The following MAPKAP1 variants were observed in gnomAD, a reference collection of about 807,000 sequenced individuals.
The protein encoded by MAPKAP1 is target of rapamycin complex 2 subunit MAPKAP1.
MAPKAP1 carries 20 observed loss-of-function variants against 65.7 expected under a neutral mutation model. The ratio of observed to expected loss-of-function variants is 0.30; its 90% CI spans 0.21 to 0.44. The LOEUF is 0.44. Ranked by LOEUF, MAPKAP1 falls within the 20% of genes least tolerant of loss-of-function variation. The pLI, the probability that MAPKAP1 is intolerant of heterozygous loss-of-function variation, is 1.00. For synonymous variants in MAPKAP1, 222 were observed against 244.3 expected (o/e 0.91, Z 0.85); for missense variants, 423 against 648.0 (o/e 0.65, Z 3.77).
intron 6 of MAPKAP1, among the ~76,000 whole-genome samples, chr9:125,552,951 T>C (rs1039588714): frequency 6.6e-6 from 1 of 152,158 alleles, no homozygotes; most frequent in African/African-American, 2.4e-5. Flanking sequence ...CATATAGAGA[T>C]GTATTATCTA....
chr9:125,674,568 G>A (rs1834590385), intron 1 of MAPKAP1, among the ~76,000 whole-genome samples: 1 of 152,166 alleles, frequency 6.6e-6, no homozygotes, highest in South Asian at 2.1e-4. Flanking sequence ...TCTAGAAATG[G>A]AACATAGAGA....
intron 8 of MAPKAP1, among the ~76,000 whole-genome samples, chr9:125,503,404 C>T (rs961872633): frequency 3.3e-5 from 5 of 152,200 alleles, no homozygotes; most frequent in Admixed American, 2.0e-4. Flanking sequence ...CGCTCGTAGG[C>T]GTTGATCTCT....
At chr9:125,539,033 C>T (rs1589268737) in intron 7 of MAPKAP1, among the ~76,000 whole-genome samples, 1 of 152,168 alleles carries the variant, frequency 6.6e-6, no homozygotes, top group Non-Finnish European at 1.5e-5. Context: ...AAGCCCCGTA[C>T]ACTATCTCAC....
In MAPKAP1 at chr9:125,672,632, G is replaced by A. The variant is rs910150013; in HGVS notation, c.-58C>T. On this transcript the variant is annotated 5_prime_UTR_variant, in exon 2 of 12. Transcript: ENST00000265960. The stretch of plus-strand genomic sequence containing the variant: ...TTTTCTCCTCTTCATATTGTTTCAC[G>A]AGCTCACCTACCTAGAAACATGATG... 6 of 1,572,182 alleles carry A rather than the reference G, an allele frequency of 3.8e-6. No individual in the cohort carries two copies. The highest frequency in any genetic ancestry group is 3.4e-5 in the Admixed American group (2 of 58,794).
At chr9:125,700,911 T>C (rs1835575952) in intron 1 of MAPKAP1, among the ~76,000 whole-genome samples, 1 of 152,190 alleles carries the variant, frequency 6.6e-6, no homozygotes, top group African/African-American at 2.4e-5. Context: ...CCCCTTTCAA[T>C]CTTGAGTACA....
At chr9:125,444,464 C>T (rs757758205) in intron 11 of MAPKAP1, 37 bp downstream of exon 11, 19 of 1,508,392 alleles carry the variant, frequency 1.3e-5, no homozygotes, top group Middle Eastern at 1.7e-4. Context: ...AAGCTGGACC[C>T]ACCTACCCTG....
At chr9:125,597,080 G>A (rs1322871998) in intron 4 of MAPKAP1, among the ~76,000 whole-genome samples, 1 of 151,216 alleles carries the variant, frequency 6.6e-6, no homozygotes. Context: ...GGCTAACAAA[G>A]TGAAACCCTG....
intron 5 of MAPKAP1, among the ~76,000 whole-genome samples, chr9:125,574,924 G>C (rs1413708029): frequency 2.6e-5 from 4 of 152,186 alleles, no homozygotes; most frequent in Middle Eastern, 3.2e-3. Context: ...CATCCTGCTA[G>C]TAGGCGTTAA....
intron 11 of MAPKAP1, among the ~76,000 whole-genome samples, chr9:125,440,242 T>C (rs1002918946): frequency 3.3e-5 from 5 of 152,114 alleles, no homozygotes; most frequent in Non-Finnish European, 7.4e-5. Flanking sequence ...CACAATAATC[T>C]TGAGACAGAT....
chr9:125,634,172 TTC>T (rs1320776243), intron 4 of MAPKAP1, among the ~76,000 whole-genome samples: 1 of 152,204 alleles, frequency 6.6e-6, no homozygotes, highest in East Asian at 1.9e-4. Flanking sequence ...TCATTTTTAA[TTC>T]TGTCAGTGTC....
At chr9:125,606,562 C>T (rs1443392658) in intron 4 of MAPKAP1, among the ~76,000 whole-genome samples, 1 of 152,164 alleles carries the variant, frequency 6.6e-6, no homozygotes, top group Non-Finnish European at 1.5e-5. Context: ...TGTCCTCGCA[C>T]ATTCCCTGAA....
At chr9:125,514,039 G>A (rs1182942345) in intron 7 of MAPKAP1, among the ~76,000 whole-genome samples, 1 of 152,160 alleles carries the variant, frequency 6.6e-6, no homozygotes, top group Non-Finnish European at 1.5e-5. Flanking sequence ...CAAAGGACAC[G>A]TGACGCTGGG....
chr9:125,649,512 G>A (rs753795524), intron 4 of MAPKAP1, among the ~76,000 whole-genome samples: 25 of 152,168 alleles, frequency 1.6e-4, no homozygotes, highest in Non-Finnish European at 3.1e-4. Flanking sequence ...TGTCATCTGA[G>A]AGGAAGTGAC....
intron 5 of MAPKAP1, among the ~76,000 whole-genome samples, chr9:125,560,226 A>AG (rs996572109): frequency 6.6e-6 from 1 of 152,202 alleles, no homozygotes. Context: ...AAAACTGTAA[A>AG]GGGGGGAAGA....
chr9:125,597,264 C>CAAAAAA lies in MAPKAP1; in HGVS notation c.499-11543_499-11538dup, dbSNP rs35917056. On this transcript the variant is annotated intron_variant, in intron 4 of 11. Transcript: ENST00000265960. ...TGGACGACAGAGCGAGACTCCGTCT[C>CAAAAAA]AAAAAAAAAAAAAAAAAAAAAAAAA... Among the ~76,000 whole-genome samples, 67 of 52,680 alleles carry CAAAAAA rather than the reference C, an allele frequency of 1.3e-3. 3 individuals carry two copies. Among genetic ancestry groups the CAAAAAA allele is most frequent in the African/African-American group, 5.4e-3 (60 of 11,148 alleles). 34.6% of individuals were successfully genotyped at this position (52,680 alleles called of 152,430 possible). A position where few individuals can be genotyped will look rare whatever the true frequency, so the allele number is the denominator to read the frequency against.
chr9:125,635,100 C>T (rs1024981371), intron 4 of MAPKAP1, among the ~76,000 whole-genome samples: 1 of 152,166 alleles, frequency 6.6e-6, no homozygotes, highest in South Asian at 2.1e-4. Context: ...TCCACTTATT[C>T]GATGGCACGC....
intron 4 of MAPKAP1, among the ~76,000 whole-genome samples, chr9:125,646,823 C>T (rs946042816): frequency 4.6e-5 from 7 of 152,172 alleles, no homozygotes; most frequent in African/African-American, 1.7e-4. Flanking sequence ...TGGAAAAAGT[C>T]CTTCCTGTTG....
chr9:125,479,512 G>A (rs143730966), intron 9 of MAPKAP1, among the ~76,000 whole-genome samples: 156 of 152,006 alleles, frequency 1.0e-3, no homozygotes, highest in African/African-American at 3.7e-3. Flanking sequence ...CCCGGGAGGC[G>A]GAGGTTGCAG....
At chr9:125,452,951 A>AAT (rs919583559) in intron 10 of MAPKAP1, among the ~76,000 whole-genome samples, 4 of 152,220 alleles carry the variant, frequency 2.6e-5, no homozygotes, top group African/African-American at 9.6e-5. Flanking sequence ...GAAATTAAAA[A>AAT]ATATATATTA....
Sources: gnomAD v4.1 joint callset for allele counts (sites outside exome capture counted in the v4.1 genomes callset) on GRCh38, gnomAD v4.1.1 for gene constraint, MANE v1.5 for transcripts, NCBI Gene and HGNC (gene_info 2026-07-23, HGNC 2026-07-21) for gene names.